The following NSUN5 variants were observed in gnomAD, a reference collection of about 807,000 sequenced individuals.
NSUN5 encodes the protein NOP2/Sun RNA methyltransferase 5.
NSUN5 carries 39 observed loss-of-function variants against 51.1 expected under a neutral mutation model. That is an observed-to-expected ratio of 0.76 (90% confidence interval 0.59 to 1.00). The LOEUF (loss-of-function observed/expected upper bound fraction) is 1.00. Among genes scored for constraint, NSUN5 ranks in the 50% least tolerant of loss-of-function variants. The pLI, the probability that NSUN5 is intolerant of heterozygous loss-of-function variation, is 0.00. For missense variants in NSUN5, 526 were observed against 614.0 expected (o/e 0.86, Z 1.51); for synonymous variants, 266 against 271.5 (o/e 0.98, Z 0.20).
Position 73,305,081 on chromosome 7 carries a change from C to T in NSUN5, c.517G>A (p.Ala173Thr). 1 of 1,609,688 alleles carries T rather than the reference C, an allele frequency of 6.2e-7. No homozygotes were observed. Among genetic ancestry groups the T allele is most frequent in the Non-Finnish European group, 8.5e-7 (1 of 1,177,478 alleles). Residue 173 changes from alanine (A) to threonine (T), a missense_variant, in exon 5 of 10, where the codon GCC (alanine) becomes ACC (threonine). Coordinates refer to ENST00000438747, the MANE Select transcript of NSUN5 (RefSeq NM_148956.4). ...AGGAGAAAATGCTTCCCCTTGAGGG[C>T]TCGTAAGTCATCGAGGCTGCCAGGG... is the stretch of plus-strand genomic sequence containing the variant. ...GRASSLDDLR[A>T]LKGKHFLLDP...
Position 73,308,573 on chromosome 7 carries a change from A to T in NSUN5, c.94-20T>A. On this transcript the variant is annotated intron_variant, in intron 1 of 9. Coordinates refer to ENST00000438747, the MANE Select transcript of NSUN5 (RefSeq NM_148956.4). ...CACGTTCTGTGTGGCCGAGGAAGAC[A>T]AGCTGGGTGGGGGCTCCCCCGGCCC... The T allele has an allele frequency of 6.3e-7, 1 of 1,593,390 alleles. No individual in the cohort carries two copies. The highest frequency in any genetic ancestry group is 8.6e-7 in the Non-Finnish European group (1 of 1,164,914).
At chr7:73,304,185 C>T in intron 7 of NSUN5, 45 bp downstream of exon 7, 1 of 1,574,990 alleles carries the variant, frequency 6.3e-7, no homozygotes, top group Non-Finnish European at 8.6e-7. Context: ...GTCTAAGCTG[C>T]TGTGGATCTG....
intron 1 of NSUN5, 23 bp from the exon 2 acceptor site, chr7:73,308,576 C>G (rs201320984): frequency 1.1e-4 from 182 of 1,592,944 alleles, no homozygotes; most frequent in Middle Eastern, 2.3e-4. Flanking sequence ...GGAAGACAAG[C>G]TGGGTGGGGG....
Position 73,303,440 on chromosome 7 carries a change from C to A in NSUN5, c.1376G>T (p.Gly459Val). ...RKKRQQRAAA[G>V]ACTPPCT Reference sequence around the variant, plus strand: ...CTATGTGCAAGGCGGTGTGCAAGCACCGGCTGCGGCTCTTTGCTGTCTCTT... The same window carrying A: ...CTATGTGCAAGGCGGTGTGCAAGCAACGGCTGCGGCTCTTTGCTGTCTCTT... The change falls in exon 10 of 10, where the codon GGT becomes GTT. Residue 459 changes from glycine to valine, a missense_variant. By Grantham distance (109) the Gly-to-Val change is moderately radical. Coordinates refer to ENST00000438747, the MANE Select transcript of NSUN5 (RefSeq NM_148956.4). The A allele has an allele frequency of 1.9e-6, 3 of 1,614,186 alleles. No homozygotes were observed. Among genetic ancestry groups the A allele is most frequent in the Non-Finnish European group, 2.5e-6 (3 of 1,180,054 alleles).
chr7:73,304,057 G>A, intron 7 of NSUN5, 21 bp from the exon 8 acceptor site: 1 of 1,611,350 alleles, frequency 6.2e-7, no homozygotes, highest in Non-Finnish European at 8.5e-7. Flanking sequence ...GAGTGTCTCT[G>A]TTACATAGCT....
intron 4 of NSUN5, among the ~76,000 whole-genome samples, chr7:73,306,172 T>G (rs1246223206): frequency 6.6e-6 from 1 of 151,548 alleles, no homozygotes; most frequent in African/African-American, 2.4e-5. Context: ...TCACCTGAAG[T>G]CAGGAGCCTC....
rs782790299 is a variant in NSUN5, at chr7:73,308,441, T to C, written c.206A>G (p.His69Arg). ...CTCCCCTCCCCTCACCTTGGCCAGG[T>C]GCGGCCGCAGCTTCTTCTCCGCACG... ...LLRAEKKLRP[H>R]LAKVLVYELL... The change falls in exon 2 of 10, where the codon CAC becomes CGC. Residue 69 changes from histidine to arginine, a missense_variant. Coordinates refer to ENST00000438747, the MANE Select transcript of NSUN5 (RefSeq NM_148956.4). 17 of 1,601,422 alleles carry C rather than the reference T, an allele frequency of 1.1e-5. No individual in the cohort carries two copies. The highest frequency in any genetic ancestry group is 1.7e-5 in the Admixed American group (1 of 59,698).
At position 73,303,854 on chromosome 7, in the gene NSUN5, C is replaced by T; in HGVS notation, c.1117G>A (p.Ala373Thr). ...QEENEDVVRD[A>T]LQQNPGAFRL... ...AAGGCGCCCGGGTTCTGCTGCAGCG[C>T]ATCTCGCACCACGTCTTCATTCTCC... The change falls in exon 8 of 10, where the codon GCG becomes ACG. Residue 373 changes from alanine (A) to threonine (T), a missense_variant. Coordinates refer to ENST00000438747, the MANE Select transcript of NSUN5 (RefSeq NM_148956.4). The T allele has an allele frequency of 6.2e-7, 1 of 1,613,878 alleles. No homozygotes were observed.
chr7:73,304,278 A>G lies in NSUN5; in HGVS notation c.886T>C (p.Tyr296His), dbSNP rs782596244. ...FLAVSPSDPR[Y>H]HEVHYILLDP... is the part of the protein sequence containing the mutation. ...AGCAGGATGTAGTGGACCTCATGGT[A>G]GCGTGGATCCGAGGGGGAGACCGCC... The change falls in exon 7 of 10, where the codon TAC (tyrosine) becomes CAC (histidine). Residue 296 changes from tyrosine to histidine, a missense_variant. Transcript: ENST00000438747. 1.2e-6 allele frequency: 2 copies of G among 1,614,124 alleles called. No individual in the cohort carries two copies. Among genetic ancestry groups the G allele is most frequent in the South Asian group, 1.1e-5 (1 of 91,074 alleles).
rs561390293 is a variant in NSUN5 at position 73,304,685 on chromosome 7, A to G, written c.755+62T>C. The G allele has an allele frequency of 3.8e-5, 50 of 1,330,670 alleles. No individual in the cohort carries two copies. In the Middle Eastern group the frequency reaches 1.7e-3, roughly 46 times the overall value. The allele number at this position is 1,330,670 out of a possible 1,614,324, so 82.4% of individuals were successfully genotyped here. ...AGCGAAAGTCATCCTTTCAGCCTTC[A>G]TTACCCACTGAAAGGCACAGAATCA... On this transcript the variant is annotated intron_variant, in intron 6 of 9. Coordinates refer to ENST00000438747, the MANE Select transcript of NSUN5 (RefSeq NM_148956.4).
rs782423070 is a variant in NSUN5, at chr7:73,303,867, G to A, written c.1104C>T (p.Asp368=). The change falls in exon 8 of 10, where the codon GAC becomes GAT. Residue 368 remains aspartate, a synonymous_variant. Transcript: ENST00000438747. ...TCTGCTGCAGCGCATCTCGCACCAC[G>A]TCTTCATTCTCCTCCTGGCAGAGGG... ...TCSLCQEENE[D]VVRDALQQNP... 15 of 1,613,752 alleles carry A rather than the reference G, an allele frequency of 9.3e-6. No individual in the cohort carries two copies. In the South Asian group the frequency reaches 1.1e-4, roughly 12 times the overall value.
chr7:73,303,879 C>T lies in NSUN5; in HGVS notation c.1092G>A (p.Glu364=). Residue 364 remains glutamate, a synonymous_variant, in exon 8 of 10, where the codon GAG becomes GAA. Transcript: ENST00000438747. ...LVYSTCSLCQ[E]ENEDVVRDAL... is the part of the protein sequence containing the mutation. ...CATCTCGCACCACGTCTTCATTCTC[C>T]TCCTGGCAGAGGGAGCACGTGGAGT... 3.1e-6 allele frequency: 5 copies of T among 1,613,922 alleles called. No homozygotes were observed. The highest frequency in any genetic ancestry group is 4.2e-6 in the Non-Finnish European group (5 of 1,179,964).
intron 4 of NSUN5, among the ~76,000 whole-genome samples, chr7:73,305,905 G>A (rs1252437608): frequency 2.0e-5 from 3 of 152,132 alleles, no homozygotes; most frequent in Admixed American, 6.6e-5. Context: ...ACAAAGAGTA[G>A]GAGAAAGGGA....
intron 1 of NSUN5, 33 bp downstream of exon 1, chr7:73,308,665 C>T (rs1554542353): frequency 6.2e-7 from 1 of 1,600,818 alleles, no homozygotes; most frequent in Non-Finnish European, 8.5e-7. Flanking sequence ...TTCCTCACTC[C>T]CCACCCCTAC....
Position 73,303,753 on chromosome 7 carries a change from C to A in NSUN5, c.1146-13G>T, listed in dbSNP as rs558140471. On this transcript the variant is annotated splice_polypyrimidine_tract_variant and intron_variant, in intron 8 of 9. Coordinates refer to ENST00000438747, the MANE Select transcript of NSUN5 (RefSeq NM_148956.4). ...GGCGGGAGCTAGCCTGCAAGAGAAA[C>A]GGCCCCAATGCTGGGTAAGAGAGCA... is the stretch of plus-strand genomic sequence containing the variant. 6.2e-7 allele frequency: 1 copy of A among 1,613,976 alleles called. No individual in the cohort carries two copies. The highest frequency in any genetic ancestry group is 1.7e-5 in the Admixed American group (1 of 60,004).
In NSUN5 at chr7:73,304,988, G is replaced by C. The variant is rs531002645; in HGVS notation, c.610C>G (p.Arg204Gly). The C allele has an allele frequency of 1.9e-6, 3 of 1,611,226 alleles. No homozygotes were observed. Among genetic ancestry groups the C allele is most frequent in the Non-Finnish European group, 2.5e-6 (3 of 1,178,046 alleles). The change falls in exon 5 of 10, where the codon CGG becomes GGG. Residue 204 changes from arginine to glycine, a missense_variant. Transcript: ENST00000438747. Reference sequence around the variant, plus strand: ...TCCTGCAGAATGAGGTGTCCGGCCCGGTACAGTGGGTGTTCATGCAGATCT... The same window carrying C: ...TCCTGCAGAATGAGGTGTCCGGCCCCGTACAGTGGGTGTTCATGCAGATCT... ...QTDLHEHPLY[R>G]AGHLILQDRA...
In NSUN5 at chr7:73,308,426, CT is replaced by C. The variant is rs782172731; in HGVS notation, c.216+4del. The C allele has an allele frequency of 6.3e-7, 1 of 1,596,440 alleles. No homozygotes were observed. The highest frequency in any genetic ancestry group is 8.6e-7 in the Non-Finnish European group (1 of 1,169,502). On this transcript the variant is annotated splice_donor_region_variant and intron_variant, in intron 2 of 9. Coordinates refer to ENST00000438747, the MANE Select transcript of NSUN5 (RefSeq NM_148956.4). Reference sequence around the variant, plus strand: ...TTCACTTCCCCGTCCCTCCCCTCCCCTCACCTTGGCCAGGTGCGGCCGCAGC... The same window carrying C: ...TTCACTTCCCCGTCCCTCCCCTCCCCCACCTTGGCCAGGTGCGGCCGCAGC...
At chr7:73,304,174 G>C in intron 7 of NSUN5, 56 bp downstream of exon 7, 1 of 1,566,662 alleles carries the variant, frequency 6.4e-7, no homozygotes. Context: ...AATGACTCCA[G>C]GTCTAAGCTG....
At chr7:73,304,498 A>G (rs188540987) in intron 6 of NSUN5, 90 bp from the exon 7 acceptor site, 25 of 1,294,212 alleles carry the variant, frequency 1.9e-5, no homozygotes, top group Middle Eastern at 1.9e-4. Context: ...GCCAGGACAC[A>G]CAATATTGAA....
Sources: allele counts gnomAD v4.1 joint callset (sites outside exome capture counted in the v4.1 genomes callset), GRCh38; gene constraint gnomAD v4.1.1; transcripts MANE v1.5; gene names NCBI Gene and HGNC (gene_info 2026-07-23, HGNC 2026-07-21).